ZC3H14: variants seen among roughly 807,000 people sequenced by gnomAD.
ZC3H14 encodes the protein zinc finger CCCH-type containing 14, also known as zinc finger CCCH domain-containing protein 14.
A neutral mutation model predicts 92.4 loss-of-function variants in ZC3H14; 31 were observed. That is an observed-to-expected ratio of 0.34 (90% CI 0.25 to 0.45). ZC3H14 has a LOEUF of 0.45. ZC3H14 is among the 20% of genes least tolerant of loss of function. The probability of loss-of-function intolerance (pLI) is 1.00; values close to 1 mark genes in which losing one functional copy is unlikely to be tolerated. For synonymous variants in ZC3H14, 321 were observed against 300.9 expected, an observed-to-expected ratio of 1.07 and a Z score of -0.69; for missense variants, 781 against 897.3, an observed-to-expected ratio of 0.87 and a Z score of 1.66.
chr14:88,614,688 AATG>A lies in ZC3H14; in HGVS notation c.*2942_*2944del, dbSNP rs1228986912. 6.6e-6 allele frequency: 1 copy of A among 152,228 alleles called. No individual in the cohort carries two copies. Among genetic ancestry groups the A allele is most frequent in the East Asian group, 1.9e-4 (1 of 5,202 alleles). 9.4% of individuals were successfully genotyped at this position (152,228 alleles called of 1,614,324 possible). On this transcript the variant is annotated 3_prime_UTR_variant, in exon 17 of 17. Coordinates refer to ENST00000251038, the MANE Select transcript of ZC3H14 (RefSeq NM_024824.5). ...AGATAGGCTAGACAGCGAATTCCTG[AATG>A]ATGAGTAGTGATCTTTGGCAGCATT...
chr14:88,566,727 C>G (rs972209855), intron 2 of ZC3H14, among the ~76,000 whole-genome samples: 1 of 152,046 alleles, frequency 6.6e-6, no homozygotes, highest in African/African-American at 2.4e-5. Flanking sequence ...CGAGACCAGC[C>G]TAGTCAACAT....
In ZC3H14 at chr14:88,609,248, CTTT is replaced by C. The variant is rs377299958; in HGVS notation, c.1869-12_1869-10del. ...TTGAGAAGATTGAATATGAAATATG[CTTT>C]TTTTTTGTTTTGTAGAGCCTTCCCC... is the stretch of plus-strand genomic sequence containing the variant. On this transcript the variant is annotated splice_polypyrimidine_tract_variant and intron_variant, in intron 13 of 16. Coordinates refer to ENST00000251038, the MANE Select transcript of ZC3H14 (RefSeq NM_024824.5). 8.1e-6 allele frequency: 13 copies of C among 1,605,394 alleles called. 1 individual carries two copies. The highest frequency in any genetic ancestry group is 2.7e-5 in the African/African-American group (2 of 74,320).
chr14:88,580,306 A>G lies in ZC3H14; in HGVS notation c.1279+2166A>G, dbSNP rs141630448. The stretch of plus-strand genomic sequence containing the variant: ...GGCGATAGAGTGAGACTGTGTCTCA[A>G]AATAAATGAAGACTAAATTAGAAAG... On this transcript the variant is annotated intron_variant, in intron 9 of 16. Transcript: ENST00000251038. 4.3e-3 allele frequency among the ~76,000 whole-genome samples: 656 copies of G among 152,352 alleles called. 3 individuals carry two copies. The highest frequency in any genetic ancestry group is 0.015 in the African/African-American group (632 of 41,588).
At chr14:88,583,418 C>T (rs186956605) in intron 9 of ZC3H14, among the ~76,000 whole-genome samples, 1 of 151,938 alleles carries the variant, frequency 6.6e-6, no homozygotes, top group Admixed American at 6.6e-5. Flanking sequence ...GCACCTGGCC[C>T]GACTTCTCTT....
At position 88,601,983 on chromosome 14, in the gene ZC3H14, C is replaced by G. The variant is rs1345417748; in HGVS notation, c.1414C>G (p.Pro472Ala). ...ADTRSFILKKPKLSEEVVVAP... is the reference protein window; with the variant it reads ...ADTRSFILKKAKLSEEVVVAP... ...CACAAGATCATTTATTCTGAAGAAG[C>G]CAAAGCTGTCTGAGGAAGTAGTAGT... The change falls in exon 11 of 17, where the codon CCA becomes GCA. Residue 472 changes from proline to alanine, a missense_variant. Physicochemically the swap from Pro to Ala is conservative, Grantham distance 27. Coordinates refer to ENST00000251038, the MANE Select transcript of ZC3H14 (RefSeq NM_024824.5). The G allele has an allele frequency of 6.2e-7, 1 of 1,614,098 alleles. No individual in the cohort carries two copies. The highest frequency in any genetic ancestry group is 1.6e-4 in the Middle Eastern group (1 of 6,062).
chr14:88,608,442 C>G (rs770729778), intron 13 of ZC3H14: 1 of 319,836 alleles, frequency 3.1e-6, no homozygotes, highest in Non-Finnish European at 6.2e-6. Flanking sequence ...TTTCTGTGGA[C>G]AAGTTTTTAG....
At chr14:88,587,984 A>G (rs889831304) in intron 9 of ZC3H14, among the ~76,000 whole-genome samples, 1 of 152,156 alleles carries the variant, frequency 6.6e-6, no homozygotes, top group Non-Finnish European at 1.5e-5. Context: ...GGCCAAATTT[A>G]CATTCTGTTT....
rs1182306541 is a variant in ZC3H14, at chr14:88,618,465, CA to C, written c.*6719del. 2 of 1,097,520 alleles carry C rather than the reference CA, an allele frequency of 1.8e-6. No homozygotes were observed. The highest frequency in any genetic ancestry group is 1.3e-6 in the Non-Finnish European group (1 of 765,680). The allele number at this position is 1,097,520 out of a possible 1,614,324, so 68.0% of individuals were successfully genotyped here. A position where few individuals can be genotyped will look rare whatever the true frequency, so the allele number is the denominator to read the frequency against. On this transcript the variant is annotated 3_prime_UTR_variant, in exon 17 of 17. Coordinates refer to ENST00000251038, the MANE Select transcript of ZC3H14 (RefSeq NM_024824.5). ...TTATTAAGTATGCAAAAGATCACTA[CA>C]AAAACTTAATAGGAGAAAAGCTCTG...
chr14:88,609,885 AC>A, intron 15 of ZC3H14, 82 bp downstream of exon 15: 1 of 1,435,656 alleles, frequency 7.0e-7, no homozygotes. Context: ...CAGAGTTACT[AC>A]ATTGGTGCAA....
intron 8 of ZC3H14, among the ~76,000 whole-genome samples, chr14:88,576,448 T>A (rs74077923): frequency 2.6e-5 from 4 of 152,384 alleles, no homozygotes; most frequent in African/African-American, 9.6e-5. Flanking sequence ...CCAATTCTAG[T>A]GGAAGTACTG....
chr14:88,574,126 CTG>C (rs1173211913), intron 6 of ZC3H14, among the ~76,000 whole-genome samples: 20 of 152,196 alleles, frequency 1.3e-4, no homozygotes, highest in African/African-American at 4.6e-4. Flanking sequence ...CCAATTAACT[CTG>C]TTTTATTAGT....
In ZC3H14 at chr14:88,627,108, A is replaced by G; in HGVS notation, c.*15357A>G. The G allele has an allele frequency of 6.5e-7, 1 of 1,531,478 alleles. No individual in the cohort carries two copies. The highest frequency in any genetic ancestry group is 9.0e-7 in the Non-Finnish European group (1 of 1,111,334). 94.9% of individuals were successfully genotyped at this position (1,531,478 alleles called of 1,614,324 possible). ...AGAACCAAGCTAATCAACAGCATCA[A>G]ACAAATATGTAAAATACATAGTTCA... On this transcript the variant is annotated 3_prime_UTR_variant, in exon 17 of 17. Coordinates refer to ENST00000251038, the MANE Select transcript of ZC3H14 (RefSeq NM_024824.5).
Position 88,601,960 on chromosome 14 carries a change from C to G in ZC3H14, c.1391C>G (p.Thr464Arg). ...YDMESMVHAD[T>R]RSFILKKPKL... ...ATGGAATCCATGGTCCATGCAGACACAAGATCATTTATTCTGAAGAAGCCA... is the reference window on the plus strand; with the variant it reads ...ATGGAATCCATGGTCCATGCAGACAGAAGATCATTTATTCTGAAGAAGCCA... Residue 464 changes from threonine to arginine, a missense_variant, in exon 11 of 17, where the codon ACA (threonine) becomes AGA (arginine). Transcript: ENST00000251038. The G allele has an allele frequency of 6.2e-7, 1 of 1,614,108 alleles. No individual in the cohort carries two copies. Among genetic ancestry groups the G allele is most frequent in the Non-Finnish European group, 8.5e-7 (1 of 1,179,990 alleles).
chr14:88,577,781 G>T (rs1194865991), intron 8 of ZC3H14, among the ~76,000 whole-genome samples: 1 of 152,040 alleles, frequency 6.6e-6, no homozygotes, highest in Non-Finnish European at 1.5e-5. Flanking sequence ...TGTTGGCCAG[G>T]CTGGTCTCAA....
intron 12 of ZC3H14, among the ~76,000 whole-genome samples, chr14:88,603,268 G>GA: frequency 6.6e-6 from 1 of 152,088 alleles, no homozygotes; most frequent in East Asian, 1.9e-4. Context: ...ACTCCAGTTT[G>GA]AAAACGGAGT....
chr14:88,564,609 G>C (rs1328862189), intron 2 of ZC3H14, among the ~76,000 whole-genome samples: 1 of 152,154 alleles, frequency 6.6e-6, no homozygotes, highest in Non-Finnish European at 1.5e-5. Context: ...TGTGGTGGTG[G>C]TGTTTGGATT....
At chr14:88,610,731 C>T (rs2086519640) in intron 15 of ZC3H14, 103 bp from the exon 16 acceptor site, 2 of 1,190,844 alleles carry the variant, frequency 1.7e-6, no homozygotes. Context: ...CCACTTCACT[C>T]CAGCCTGGGT....
chr14:88,576,169 A>G (rs1205816594), intron 8 of ZC3H14, among the ~76,000 whole-genome samples: 1 of 152,230 alleles, frequency 6.6e-6, no homozygotes, highest in Non-Finnish European at 1.5e-5. Context: ...TGCCTTTTAT[A>G]TCTTTCCAAT....
chr14:88,598,449 T>A (rs1435652274), intron 10 of ZC3H14, among the ~76,000 whole-genome samples: 1 of 152,168 alleles, frequency 6.6e-6, no homozygotes. Context: ...TATTATGTAA[T>A]GTTTATTTAA....
Sources: gnomAD v4.1 joint callset for allele counts (sites outside exome capture counted in the v4.1 genomes callset) on GRCh38, gnomAD v4.1.1 for gene constraint, MANE v1.5 for transcripts, NCBI Gene and HGNC (gene_info 2026-07-23, HGNC 2026-07-21) for gene names.